Variants in CNBD1 observed in about 807,000 individuals in gnomAD.
CNBD1 encodes cyclic nucleotide-binding domain-containing protein 1.
Under a neutral mutation model 54.4 loss-of-function variants are expected in CNBD1, and 71 were observed. That is an observed-to-expected ratio of 1.30 (90% confidence interval 1.08 to 1.59). The LOEUF is 1.59. Among genes scored for constraint, CNBD1 ranks in the 40% most tolerant of loss-of-function variants. The pLI is 0.00. For missense variants in CNBD1, 659 were observed against 518.0 expected, an observed-to-expected ratio of 1.27 and a Z score of -2.64; for synonymous variants, 182 against 170.7, an observed-to-expected ratio of 1.07 and a Z score of -0.51.
intron 4 of CNBD1, among the ~76,000 whole-genome samples, chr8:87,076,169 A>T (rs180782066): frequency 6.6e-6 from 1 of 152,314 alleles, no homozygotes; most frequent in East Asian, 1.9e-4. Flanking sequence ...AGTGGGTGAG[A>T]ACTACAGAGG....
intron 4 of CNBD1, among the ~76,000 whole-genome samples, chr8:87,012,636 C>T (rs1809249232): frequency 6.6e-6 from 1 of 152,146 alleles, no homozygotes; most frequent in Non-Finnish European, 1.5e-5. Context: ...TTACAACCTG[C>T]TGTCTCTAAA....
intron 2 of CNBD1, among the ~76,000 whole-genome samples, chr8:87,399,690 G>T (rs945642195): frequency 1.3e-5 from 2 of 151,928 alleles, no homozygotes; most frequent in Non-Finnish European, 2.9e-5. Context: ...GGATCCTAAG[G>T]CATCCCTGAC....
At position 87,234,680 on chromosome 8, in the gene CNBD1, A is replaced by T. The variant is rs1226749299; in HGVS notation, c.578-2239A>T. On this transcript the variant is annotated intron_variant, in intron 5 of 10. Transcript: ENST00000518476. ...AGAGCACAGGCAGAGTAGATTTAGC[A>T]TAATTGTTCAGGGCCCTAGAATTTT... Among the ~76,000 whole-genome samples, 4 of 152,124 alleles carry T rather than the reference A, an allele frequency of 2.6e-5. No homozygotes were observed. In the East Asian group the frequency reaches 7.7e-4, roughly 29 times the overall value.
intron 2 of CNBD1, among the ~76,000 whole-genome samples, chr8:87,393,397 A>G (rs1296605555): frequency 6.6e-6 from 1 of 151,958 alleles, no homozygotes; most frequent in East Asian, 1.9e-4. Context: ...TACTAAAGAA[A>G]TAAAGATCAG....
At chr8:87,158,540 G>C (rs1487007215) in intron 4 of CNBD1, among the ~76,000 whole-genome samples, 1 of 152,090 alleles carries the variant, frequency 6.6e-6, no homozygotes, top group Non-Finnish European at 1.5e-5. Flanking sequence ...TTTGAACTCT[G>C]TTCATTACAT....
intron 6 of CNBD1, among the ~76,000 whole-genome samples, chr8:87,248,520 C>A (rs1807851153): frequency 6.6e-6 from 1 of 152,162 alleles, no homozygotes; most frequent in Non-Finnish European, 1.5e-5. Context: ...TGAAAAACTG[C>A]AGAGGCTTGT....
chr8:87,277,497 A>G (rs1689861986), intron 6 of CNBD1, among the ~76,000 whole-genome samples: 1 of 151,788 alleles, frequency 6.6e-6, no homozygotes, highest in African/African-American at 2.4e-5. Flanking sequence ...TTGACACATA[A>G]AATGAACCAT....
chr8:87,124,758 C>G (rs78112633), intron 4 of CNBD1, among the ~76,000 whole-genome samples: 5,756 of 151,780 alleles, frequency 0.038, 358 homozygotes, highest in African/African-American at 0.12. Flanking sequence ...AGGATGCCCA[C>G]TCTCACCACC....
chr8:87,366,266 A>T (rs1419532401), intron 10 of CNBD1, among the ~76,000 whole-genome samples: 3 of 152,050 alleles, frequency 2.0e-5, no homozygotes, highest in African/African-American at 7.2e-5. Flanking sequence ...ATCTAATTTT[A>T]GGGCTGTGGA....
chr8:87,406,053 T>G (rs1274738034), intron 2 of CNBD1, among the ~76,000 whole-genome samples: 1 of 152,140 alleles, frequency 6.6e-6, no homozygotes, highest in East Asian at 1.9e-4. Context: ...TTCTTAAATA[T>G]TTATCAACCT....
chr8:87,256,306 G>T (rs1331882852), intron 6 of CNBD1, among the ~76,000 whole-genome samples: 1 of 151,578 alleles, frequency 6.6e-6, no homozygotes, highest in South Asian at 2.1e-4. Flanking sequence ...ACAGGTATGA[G>T]CCACTGTGCC....
chr8:87,352,168 A>G (rs1482794902), intron 9 of CNBD1, among the ~76,000 whole-genome samples: 2 of 152,276 alleles, frequency 1.3e-5, no homozygotes, highest in Non-Finnish European at 2.9e-5. Context: ...GTGAAAACAT[A>G]TGTCTACACG....
At chr8:87,082,390 G>A (rs988060135) in intron 4 of CNBD1, among the ~76,000 whole-genome samples, 3 of 152,086 alleles carry the variant, frequency 2.0e-5, no homozygotes, top group African/African-American at 7.2e-5. Context: ...GAAATAAACA[G>A]CCTTGTTGCT....
chr8:87,246,371 A>G lies in CNBD1; in HGVS notation c.771+9259A>G, dbSNP rs181089250. Among the ~76,000 whole-genome samples the G allele has an allele frequency of 5.3e-4, 81 of 152,306 alleles. 1 individual carries two copies. The highest frequency in any genetic ancestry group is 1.6e-3 in the African/African-American group (67 of 41,566). ...CCAATAACTATCAGAATTGTTGACAACAACATAAGCTTTGAGTATAGTCTG... is the reference window on the plus strand; with the variant it reads ...CCAATAACTATCAGAATTGTTGACAGCAACATAAGCTTTGAGTATAGTCTG... On this transcript the variant is annotated intron_variant, in intron 6 of 10. Transcript: ENST00000518476.
intron 4 of CNBD1, among the ~76,000 whole-genome samples, chr8:87,150,199 C>G (rs940745890): frequency 1.3e-5 from 2 of 151,616 alleles, no homozygotes; most frequent in Non-Finnish European, 2.9e-5. Flanking sequence ...AAAACAAAAA[C>G]AAAAATCAGG....
At chr8:86,926,119 G>A (rs112267510) in intron 3 of CNBD1, among the ~76,000 whole-genome samples, 12,068 of 152,056 alleles carry the variant, frequency 0.079, 621 homozygotes, top group African/African-American at 0.15. Context: ...TTTACAGAGC[G>A]CTGATTGGTG....
chr8:87,213,249 T>C (rs1441218077), intron 5 of CNBD1, among the ~76,000 whole-genome samples: 1 of 152,206 alleles, frequency 6.6e-6, no homozygotes, highest in Non-Finnish European at 1.5e-5. Flanking sequence ...TGTCTTGGGA[T>C]TGTAAGATGA....
In CNBD1 at chr8:87,284,799, A is replaced by G; in HGVS notation, c.893A>G (p.Tyr298Cys). 1 of 1,585,562 alleles carries G rather than the reference A, an allele frequency of 6.3e-7. No homozygotes were observed. Among genetic ancestry groups the G allele is most frequent in the Non-Finnish European group, 8.6e-7 (1 of 1,165,328 alleles). The change falls in exon 7 of 11, where the codon TAT (tyrosine) becomes TGT (cysteine). Residue 298 changes from tyrosine to cysteine, a missense_variant. By Grantham distance (194) the Tyr-to-Cys change is radical. Transcript: ENST00000518476. ...CEILKIPAKGYAKIKEEKIKL... is the reference protein window; with the variant it reads ...CEILKIPAKGCAKIKEEKIKL... ...ATTCTTAAAATCCCAGCAAAGGGATATGCAAAGATAAAGGAGGTAAGATGA... is the reference window on the plus strand; with the variant it reads ...ATTCTTAAAATCCCAGCAAAGGGATGTGCAAAGATAAAGGAGGTAAGATGA...
chr8:87,382,252 G>A (rs1403742973), intron 10 of CNBD1, among the ~76,000 whole-genome samples: 1 of 151,910 alleles, frequency 6.6e-6, no homozygotes, highest in Non-Finnish European at 1.5e-5. Context: ...AAATAGGTAA[G>A]ATGATTTTAC....
Sources: gnomAD v4.1 joint callset for allele counts (sites outside exome capture counted in the v4.1 genomes callset) on GRCh38, gnomAD v4.1.1 for gene constraint, MANE v1.5 for transcripts, NCBI Gene and HGNC (gene_info 2026-07-23, HGNC 2026-07-21) for gene names.